PRKAR1A: variants seen among roughly 807,000 people sequenced by gnomAD.
PRKAR1A encodes protein kinase cAMP-dependent type I regulatory subunit alpha, also known as cAMP-dependent protein kinase type I-alpha regulatory subunit.
A neutral mutation model predicts 52.0 loss-of-function variants in PRKAR1A; 3 were observed. The ratio of observed to expected loss-of-function variants is 0.06; its 90% CI spans 0.03 to 0.15. PRKAR1A has a LOEUF of 0.15. Among genes scored for constraint, PRKAR1A ranks in the 10% least tolerant of loss-of-function variants. The probability of loss-of-function intolerance (pLI) is 1.00; values close to 1 mark genes in which losing one functional copy is unlikely to be tolerated. For synonymous variants in PRKAR1A, 188 were observed against 168.4 expected (o/e 1.12, Z -0.90); for missense variants, 240 against 477.4 (o/e 0.50, Z 4.63).
the PRKAR1A span, among the ~76,000 whole-genome samples, chr17:68,437,507 T>C: frequency 6.6e-6 from 1 of 151,316 alleles, no homozygotes; most frequent in Admixed American, 6.6e-5. Flanking sequence ...TGAGTGAAGA[T>C]AGTGCCACTG....
chr17:68,479,637 T>C, the PRKAR1A span, among the ~76,000 whole-genome samples: 1 of 152,250 alleles, frequency 6.6e-6, no homozygotes, highest in African/African-American at 2.4e-5. Flanking sequence ...TGTAATTTTA[T>C]CAGTCTTTTC....
the PRKAR1A span, among the ~76,000 whole-genome samples, chr17:68,471,307 A>G: frequency 1.3e-5 from 2 of 152,218 alleles, no homozygotes; most frequent in African/African-American, 4.8e-5. Context: ...CTCAAGTTCT[A>G]CAGTATGCTG....
At chr17:68,521,204 T>A (rs1168301271) in intron 2 of PRKAR1A, among the ~76,000 whole-genome samples, 1 of 151,890 alleles carries the variant, frequency 6.6e-6, no homozygotes, top group African/African-American at 2.4e-5. Context: ...CCTCCCGAAG[T>A]GTTGGGATTA....
rs1384478752 is a variant in PRKAR1A, at chr17:68,531,806, CA to C, written c.*1358del. On this transcript the variant is annotated 3_prime_UTR_variant, in exon 11 of 11. Coordinates refer to ENST00000589228, the MANE Select transcript of PRKAR1A (RefSeq NM_002734.5). ...GTTACATTATTCCAATGATACCCAA[CA>C]GTTTATTTTTATTATTTTTTTAAAC... 9.7e-7 allele frequency: 1 copy of C among 1,032,044 alleles called. No individual in the cohort carries two copies. Among genetic ancestry groups the C allele is most frequent in the Admixed American group, 5.4e-5 (1 of 18,680 alleles). 63.9% of individuals were successfully genotyped at this position (1,032,044 alleles called of 1,614,324 possible). A position where few individuals can be genotyped will look rare whatever the true frequency, so the allele number is the denominator to read the frequency against.
chr17:68,530,100 A>G (rs1250494939), intron 10 of PRKAR1A, 99 bp downstream of exon 10: 1 of 1,502,062 alleles, frequency 6.7e-7, no homozygotes, highest in Admixed American at 1.7e-5. Flanking sequence ...CCTGAATTTT[A>G]TTTTCTAACT....
At chr17:68,551,227 A>G (rs1264086045) in exon 12 of PRKAR1A, 1 of 897,408 alleles carries the variant, frequency 1.1e-6, no homozygotes, top group Non-Finnish European at 1.5e-6. Context: ...GACTCAATAC[A>G]TATTATTTCA....
the PRKAR1A span, chr17:68,413,715 CG>C: frequency 6.3e-6 from 1 of 159,942 alleles, no homozygotes; most frequent in African/African-American, 2.4e-5. Context: ...CCCCCAGCCT[CG>C]CTGCCGCCTT....
At chr17:68,521,032 C>CCTGGGTT (rs897844168) in intron 2 of PRKAR1A, among the ~76,000 whole-genome samples, 33 of 152,262 alleles carry the variant, frequency 2.2e-4, no homozygotes, top group African/African-American at 7.9e-4. Flanking sequence ...ACCTCTGCCT[C>CCTGGGTT]CTGGGTTCAG....
At chr17:68,427,777 A>G in the PRKAR1A span, among the ~76,000 whole-genome samples, 1 of 152,164 alleles carries the variant, frequency 6.6e-6, no homozygotes, top group Admixed American at 6.5e-5. Flanking sequence ...AGGTGAGGAC[A>G]TGCTAGCAAG....
chr17:68,495,930 G>GTTTCCTTTCC, the PRKAR1A span, among the ~76,000 whole-genome samples: 3 of 133,582 alleles, frequency 2.2e-5, no homozygotes, highest in African/African-American at 8.9e-5. Flanking sequence ...CCCTCTCTGC[G>GTTTCCTTTCC]TTTCCTTTCC....
At chr17:68,454,969 T>C in the PRKAR1A span, among the ~76,000 whole-genome samples, 1 of 152,228 alleles carries the variant, frequency 6.6e-6, no homozygotes, top group African/African-American at 2.4e-5. Flanking sequence ...ACTTAGACCT[T>C]ATTTCATCCA....
At chr17:68,458,588 T>C in the PRKAR1A span, among the ~76,000 whole-genome samples, 2 of 152,184 alleles carry the variant, frequency 1.3e-5, no homozygotes, top group African/African-American at 4.8e-5. Flanking sequence ...CAGTGTAGTT[T>C]ATGAAAGGGG....
chr17:68,455,815 G>A, the PRKAR1A span, among the ~76,000 whole-genome samples: 9 of 152,294 alleles, frequency 5.9e-5, no homozygotes, highest in East Asian at 1.7e-3. Flanking sequence ...CAAATCTAAT[G>A]ATGTTACAAA....
At chr17:68,498,259 T>C in the PRKAR1A span, among the ~76,000 whole-genome samples, 14 of 152,332 alleles carry the variant, frequency 9.2e-5, no homozygotes, top group African/African-American at 3.4e-4. Context: ...AACTTGAGCT[T>C]AACTTGAGCA....
At chr17:68,508,735 T>G (rs2143063123), upstream of PRKAR1A, among the ~76,000 whole-genome samples, 1 of 152,374 alleles carries the variant, frequency 6.6e-6, no homozygotes, top group Non-Finnish European at 1.5e-5. Flanking sequence ...TTAAGATATT[T>G]TTACTTGGAA....
chr17:68,483,884 GA>G, the PRKAR1A span, among the ~76,000 whole-genome samples: 6 of 151,150 alleles, frequency 4.0e-5, no homozygotes, highest in East Asian at 7.8e-4. Context: ...AGAAAGAAAA[GA>G]AAAAAAATCA....
chr17:68,457,545 C>CG, the PRKAR1A span: 1 of 214,248 alleles, frequency 4.7e-6, no homozygotes, highest in African/African-American at 1.1e-4. Context: ...CCGTCCCCAC[C>CG]CCGCCCCTAC....
chr17:68,457,428 C>A, the PRKAR1A span: 1 of 1,471,564 alleles, frequency 6.8e-7, no homozygotes, highest in Non-Finnish European at 9.0e-7. Context: ...CCATCGGGGG[C>A]TCGGCCCGGG....
In PRKAR1A at chr17:68,529,649, G is replaced by A. The variant is rs2085904662; in HGVS notation, c.892-271G>A. ...GGTATTTCAGTAAAGTTTGATTTGC[G>A]AAAGAGACAGTGAGCTTGGATTTAG... On this transcript the variant is annotated intron_variant, in intron 9 of 10. Transcript: ENST00000589228. 2.0e-5 allele frequency among the ~76,000 whole-genome samples: 3 copies of A among 152,198 alleles called. No homozygotes were observed. The South Asian group carries it at 6.2e-4, about 31-fold the overall frequency.
Sources: allele counts gnomAD v4.1 joint callset (sites outside exome capture counted in the v4.1 genomes callset), GRCh38; gene constraint gnomAD v4.1.1; transcripts MANE v1.5; gene names NCBI Gene and HGNC (gene_info 2026-07-23, HGNC 2026-07-21).